SWT1: variants seen among roughly 807,000 people sequenced by gnomAD.
SWT1 encodes SWT1 RNA endoribonuclease homolog, also known as transcriptional protein SWT1.
A neutral mutation model predicts 107.3 loss-of-function variants in SWT1; 33 were observed. The observed-to-expected ratio is 0.31, with a 90% CI of 0.23 to 0.41. SWT1 has a LOEUF of 0.41. SWT1 is among the 10% of genes least tolerant of loss of function. The pLI, the probability that SWT1 is intolerant of heterozygous loss-of-function variation, is 1.00. For missense variants in SWT1, 898 were observed against 1,028.9 expected (o/e 0.87, Z 1.74); for synonymous variants, 345 against 348.3 (o/e 0.99, Z 0.11).
intron 15 of SWT1, among the ~76,000 whole-genome samples, chr1:185,223,765 C>A (rs1216434586): frequency 6.6e-6 from 1 of 152,122 alleles, no homozygotes; most frequent in Non-Finnish European, 1.5e-5. Flanking sequence ...GCCTAGTACC[C>A]ATTAATTGTT....
chr1:185,255,060 G>T (rs1662373303), intron 16 of SWT1, among the ~76,000 whole-genome samples: 1 of 152,098 alleles, frequency 6.6e-6, no homozygotes, highest in South Asian at 2.1e-4. Flanking sequence ...TCAGGAGCAG[G>T]TTGTTCAGTT....
In SWT1 at chr1:185,187,053, CTTTTTTTT is replaced by C. The variant is rs34634110; in HGVS notation, c.1429+2134_1429+2141del. 3.1e-3 allele frequency among the ~76,000 whole-genome samples: 372 copies of C among 118,644 alleles called. No homozygotes were observed. In the East Asian group the frequency reaches 0.056, roughly 18 times the overall value. 77.8% of individuals were successfully genotyped at this position (118,644 alleles called of 152,430 possible). On this transcript the variant is annotated intron_variant, in intron 9 of 18. Transcript: ENST00000367500. Reference sequence around the variant, plus strand: ...TACAGGCGTGAGCCACCGCGCCCAGCTTTTTTTTTTTTTTTTTTTAAAAGAGTCTTCGT... The same window carrying C: ...TACAGGCGTGAGCCACCGCGCCCAGCTTTTTTTTTTTAAAAGAGTCTTCGT...
intron 18 of SWT1, among the ~76,000 whole-genome samples, chr1:185,284,139 T>C (rs917234685): frequency 3.3e-5 from 5 of 152,246 alleles, no homozygotes; most frequent in Admixed American, 1.3e-4. Context: ...TGGTTAGTTA[T>C]TGCCATCCTG....
Position 185,222,086 on chromosome 1 carries a change from A to G in SWT1, c.2309+50A>G, listed in dbSNP as rs750448893. The G allele has an allele frequency of 1.2e-5, 14 of 1,214,038 alleles. No individual in the cohort carries two copies. The Admixed American group carries it at 1.6e-4, about 14-fold the overall frequency. The allele number at this position is 1,214,038 out of a possible 1,614,324, so 75.2% of individuals were successfully genotyped here. A position where few individuals can be genotyped will look rare whatever the true frequency, so the allele number is the denominator to read the frequency against. On this transcript the variant is annotated intron_variant, in intron 15 of 18. Coordinates refer to ENST00000367500, the MANE Select transcript of SWT1 (RefSeq NM_017673.7). ...TTTAGTTATTTTTTAAATTGACATT[A>G]TAATTGTACATATTTACAGGGTACA...
chr1:185,202,881 A>G (rs1248428500), intron 11 of SWT1, 82 bp downstream of exon 11: 26 of 761,184 alleles, frequency 3.4e-5, no homozygotes, highest in Non-Finnish European at 3.6e-5. Context: ...TCGATAGTAA[A>G]TTTTTATTTT....
At chr1:185,268,569 G>C (rs939818875) in intron 16 of SWT1, among the ~76,000 whole-genome samples, 29 of 152,160 alleles carry the variant, frequency 1.9e-4, no homozygotes, top group Non-Finnish European at 1.0e-4. Context: ...TTGAATGAGA[G>C]AATAAAGGGT....
At chr1:185,214,762 A>G in intron 14 of SWT1, 107 bp downstream of exon 14, 4 of 922,976 alleles carry the variant, frequency 4.3e-6, no homozygotes, top group South Asian at 4.1e-5. Context: ...AACTTATTCT[A>G]ACATACTAAA....
intron 4 of SWT1, chr1:185,171,568 T>G: frequency 2.2e-6 from 1 of 451,402 alleles, no homozygotes; most frequent in Non-Finnish European, 4.3e-6. Context: ...CTGCTCACTT[T>G]GATCCTCTCT....
intron 15 of SWT1, chr1:185,227,391 A>C: frequency 1.4e-6 from 1 of 696,750 alleles, no homozygotes; most frequent in South Asian, 1.4e-5. Context: ...GGCCAGCAGC[A>C]GGCCAGTACA....
chr1:185,273,595 C>T (rs1664041131), intron 17 of SWT1, among the ~76,000 whole-genome samples: 1 of 151,652 alleles, frequency 6.6e-6, no homozygotes, highest in Admixed American at 6.6e-5. Flanking sequence ...CCCAGCTACT[C>T]AGGAGGCTGA....
At chr1:185,275,648 G>C (rs1664191609) in intron 17 of SWT1, among the ~76,000 whole-genome samples, 1 of 151,558 alleles carries the variant, frequency 6.6e-6, no homozygotes, top group Non-Finnish European at 1.5e-5. Context: ...ACCTTCCAAA[G>C]TGCTGGGATT....
intron 18 of SWT1, among the ~76,000 whole-genome samples, chr1:185,278,455 A>G (rs1298448630): frequency 6.6e-6 from 1 of 152,152 alleles, no homozygotes; most frequent in South Asian, 2.1e-4. Flanking sequence ...TAAGCTCCCC[A>G]ATCTAAGATA....
intron 16 of SWT1, among the ~76,000 whole-genome samples, chr1:185,237,175 A>G (rs560125277): frequency 5.3e-5 from 8 of 152,276 alleles, no homozygotes; most frequent in South Asian, 4.1e-4. Context: ...TAGAAATACC[A>G]TTTGACCCAG....
intron 16 of SWT1, among the ~76,000 whole-genome samples, chr1:185,257,097 G>T (rs1473322099): frequency 6.6e-6 from 1 of 152,094 alleles, no homozygotes; most frequent in Non-Finnish European, 1.5e-5. Flanking sequence ...CTGCTCGGGG[G>T]TCAGGTGTCA....
intron 16 of SWT1, among the ~76,000 whole-genome samples, chr1:185,254,594 T>C (rs1662326231): frequency 6.6e-6 from 1 of 151,176 alleles, no homozygotes; most frequent in Non-Finnish European, 1.5e-5. Context: ...TCTCTGATGG[T>C]AGTTTGTATT....
chr1:185,206,397 GCA>G (rs1417091227), intron 12 of SWT1, among the ~76,000 whole-genome samples: 1 of 151,848 alleles, frequency 6.6e-6, no homozygotes, highest in Non-Finnish European at 1.5e-5. Flanking sequence ...TTTCTTTTTT[GCA>G]CAGTTTCTGA....
intron 16 of SWT1, among the ~76,000 whole-genome samples, chr1:185,263,067 A>G (rs1275306096): frequency 6.6e-6 from 1 of 152,188 alleles, no homozygotes; most frequent in Non-Finnish European, 1.5e-5. Flanking sequence ...CATTACAGGC[A>G]TGAGCCATGG....
chr1:185,168,193 T>C (rs1654745263), intron 3 of SWT1, 147 bp from the exon 4 acceptor site: 2 of 450,604 alleles, frequency 4.4e-6, no homozygotes, highest in South Asian at 6.3e-5. Context: ...TTGAGTTTTG[T>C]GAAACGGGGA....
At chr1:185,184,713 T>G in intron 8 of SWT1, 30 bp from the exon 9 acceptor site, 1 of 1,573,556 alleles carries the variant, frequency 6.4e-7, no homozygotes, top group South Asian at 1.1e-5. Flanking sequence ...AAATGTTTGT[T>G]AAATTCTAAG....
Sources: gnomAD v4.1 joint callset for allele counts (sites outside exome capture counted in the v4.1 genomes callset) on GRCh38, gnomAD v4.1.1 for gene constraint, MANE v1.5 for transcripts, NCBI Gene and HGNC (gene_info 2026-07-23, HGNC 2026-07-21) for gene names.